Variants in PCCA observed in about 807,000 individuals in gnomAD.
PCCA encodes propionyl-CoA carboxylase alpha chain, mitochondrial.
Under a neutral mutation model 101.3 loss-of-function variants are expected in PCCA, and 74 were observed. The ratio of observed to expected loss-of-function variants is 0.73; its 90% CI spans 0.61 to 0.89. The LOEUF (loss-of-function observed/expected upper bound fraction) is 0.89, where lower values mean the gene tolerates loss of function less well. Among genes scored for constraint, PCCA ranks in the 40% least tolerant of loss-of-function variants. The pLI, the probability that PCCA is intolerant of heterozygous loss-of-function variation, is 0.00. For missense variants in PCCA, 891 were observed against 907.0 expected, an observed-to-expected ratio of 0.98 and a Z score of 0.23; for synonymous variants, 294 against 313.6, an observed-to-expected ratio of 0.94 and a Z score of 0.66.
Position 100,492,854 on chromosome 13 carries a change from C to T in PCCA, c.1900-22573C>T, listed in dbSNP as rs148160789. Among the ~76,000 whole-genome samples, 1,016 of 151,658 alleles carry T rather than the reference C, an allele frequency of 6.7e-3. 15 individuals carry two copies. Among genetic ancestry groups the T allele is most frequent in the African/African-American group, 0.024 (978 of 41,344 alleles). On this transcript the variant is annotated intron_variant, in intron 21 of 23. Coordinates refer to ENST00000376285, the MANE Select transcript of PCCA (RefSeq NM_000282.4). ...GATCAGCTATGGGATGACCAAACTCCAGGGGAAAGATCATCTTCCCACTCT... is the reference window on the plus strand; with the variant it reads ...GATCAGCTATGGGATGACCAAACTCTAGGGGAAAGATCATCTTCCCACTCT...
chr13:100,290,528 C>T (rs147982857), intron 12 of PCCA, among the ~76,000 whole-genome samples: 115 of 152,234 alleles, frequency 7.6e-4, no homozygotes, highest in African/African-American at 2.6e-3. Flanking sequence ...TTCTTTTGAT[C>T]ATTGGAATTC....
intron 21 of PCCA, among the ~76,000 whole-genome samples, chr13:100,494,186 C>CA (rs1350711655): frequency 2.7e-5 from 4 of 150,412 alleles, no homozygotes; most frequent in African/African-American, 1.0e-4. Context: ...GACTCTGTCT[C>CA]AAAAAATAAA....
chr13:100,494,341 G>T (rs557703644), intron 21 of PCCA, among the ~76,000 whole-genome samples: 2 of 152,068 alleles, frequency 1.3e-5, no homozygotes, highest in African/African-American at 4.8e-5. Flanking sequence ...ATTCACCTTC[G>T]GATGCCATGG....
At chr13:100,150,533 C>G in intron 4 of PCCA, 1 of 1,323,988 alleles carries the variant, frequency 7.6e-7, no homozygotes, top group South Asian at 1.3e-5. Flanking sequence ...AGCTCCCCGG[C>G]GAGAACCACC....
chr13:100,288,861 C>G, intron 12 of PCCA, among the ~76,000 whole-genome samples: 1 of 151,508 alleles, frequency 6.6e-6, no homozygotes, highest in East Asian at 1.9e-4. Flanking sequence ...ACTTTCTTTT[C>G]CTCATTGTAA....
chr13:100,466,773 G>A (rs1277612722), intron 21 of PCCA, among the ~76,000 whole-genome samples: 1 of 152,150 alleles, frequency 6.6e-6, no homozygotes, highest in East Asian at 1.9e-4. Flanking sequence ...CAGGAGAATT[G>A]CATGAACCCA....
chr13:100,460,365 G>T (rs1228011952), intron 21 of PCCA, among the ~76,000 whole-genome samples: 1 of 152,106 alleles, frequency 6.6e-6, no homozygotes, highest in Non-Finnish European at 1.5e-5. Context: ...CTATAATAAG[G>T]CAAACATATC....
chr13:100,479,809 C>T, intron 21 of PCCA: 1 of 134,414 alleles, frequency 7.4e-6, no homozygotes, highest in Non-Finnish European at 1.6e-5. Context: ...TACTCTAAGT[C>T]CTACTGCTTC....
chr13:100,492,831 T>A (rs1304926875), intron 21 of PCCA, among the ~76,000 whole-genome samples: 2 of 151,156 alleles, frequency 1.3e-5, no homozygotes, highest in Non-Finnish European at 2.9e-5. Context: ...GTAGCAGAGA[T>A]CAGCTATGGG....
At chr13:100,122,813 C>T (rs1378700372) in intron 4 of PCCA, among the ~76,000 whole-genome samples, 4 of 152,108 alleles carry the variant, frequency 2.6e-5, no homozygotes, top group African/African-American at 9.7e-5. Context: ...AAGATTGAGG[C>T]ACTGTTAGAT....
chr13:100,527,410 C>T, intron 22 of PCCA: 1 of 544,542 alleles, frequency 1.8e-6, no homozygotes. Context: ...CAGAGATCCC[C>T]AGGGTAGGCC....
chr13:100,209,406 AT>A lies in PCCA; in HGVS notation c.545del (p.Leu182TyrfsTer2). ...CCATGGGCGACAAGATTGAAAGCAA[AT>A]TATTAGCTAAGAAAGCAGAGGTTAA... ...QAMGDKIESK[L>X]LAKKAEVNTI... On this transcript the variant is annotated frameshift_variant, in exon 7 of 24. Coordinates refer to ENST00000376285, the MANE Select transcript of PCCA (RefSeq NM_000282.4). LOFTEE classifies it high-confidence loss of function. The A allele has an allele frequency of 6.2e-7, 1 of 1,613,596 alleles. No individual in the cohort carries two copies. The highest frequency in any genetic ancestry group is 8.5e-7 in the Non-Finnish European group (1 of 1,179,534).
chr13:100,275,072 G>C (rs1420521800), intron 12 of PCCA, among the ~76,000 whole-genome samples: 1 of 151,724 alleles, frequency 6.6e-6, no homozygotes, highest in African/African-American at 2.4e-5. Flanking sequence ...GGGAGGGGGT[G>C]TTGAGTCACT....
intron 8 of PCCA, among the ~76,000 whole-genome samples, chr13:100,237,759 CAA>C (rs1197520768): frequency 6.6e-5 from 10 of 151,712 alleles, no homozygotes; most frequent in Non-Finnish European, 1.0e-4. Context: ...ACATAAAGGA[CAA>C]TATTTAGAGA....
chr13:100,434,762 A>G (rs1445101318), intron 20 of PCCA, among the ~76,000 whole-genome samples: 3 of 152,178 alleles, frequency 2.0e-5, no homozygotes, highest in Non-Finnish European at 4.4e-5. Flanking sequence ...CAAACCAACA[A>G]AGTACAAGCT....
intron 6 of PCCA, among the ~76,000 whole-genome samples, chr13:100,159,768 C>T (rs556853476): frequency 4.6e-5 from 7 of 152,190 alleles, no homozygotes; most frequent in African/African-American, 9.7e-5. Flanking sequence ...TGCTCCCATG[C>T]GTGGCTGGCT....
chr13:100,103,832 C>T lies in PCCA; in HGVS notation c.183+872C>T, dbSNP rs575218551. The stretch of plus-strand genomic sequence containing the variant: ...TGTGTTTGTAGTAGAGACAGGGTTT[C>T]ACCATGTTGGCCAGGCTGGTCTCAA... On this transcript the variant is annotated intron_variant, in intron 2 of 23. Transcript: ENST00000376285. Among the ~76,000 whole-genome samples the T allele has an allele frequency of 2.6e-5, 4 of 152,054 alleles. No homozygotes were observed. The East Asian group carries it at 5.8e-4, about 22-fold the overall frequency.
chr13:100,350,254 AT>A (rs2073101152), intron 18 of PCCA, among the ~76,000 whole-genome samples: 1 of 152,230 alleles, frequency 6.6e-6, no homozygotes, highest in Non-Finnish European at 1.5e-5. Flanking sequence ...GTCAATGAAA[AT>A]AAAACAACTT....
intron 21 of PCCA, among the ~76,000 whole-genome samples, chr13:100,502,506 A>G (rs2085757243): frequency 6.6e-6 from 1 of 152,344 alleles, no homozygotes; most frequent in East Asian, 1.9e-4. Flanking sequence ...ACTGTGTAGC[A>G]TTATTGAATT....
Sources: allele counts gnomAD v4.1 joint callset (sites outside exome capture counted in the v4.1 genomes callset), GRCh38; gene constraint gnomAD v4.1.1; transcripts MANE v1.5; gene names NCBI Gene and HGNC (gene_info 2026-07-23, HGNC 2026-07-21).